The following GABRG2 variants were observed in gnomAD, a reference collection of about 807,000 sequenced individuals.
GABRG2 encodes the protein gamma-aminobutyric acid type A receptor subunit gamma2.
In GABRG2, 16 loss-of-function variants were observed where a neutral mutation model predicts 56.4. The ratio of observed to expected loss-of-function variants is 0.28; its 90% CI spans 0.19 to 0.43. The LOEUF (loss-of-function observed/expected upper bound fraction) is 0.43, where lower values mean the gene tolerates loss of function less well. Ranked by LOEUF, GABRG2 falls within the 20% of genes least tolerant of loss-of-function variation. GABRG2 has a pLI of 1.00. For missense variants in GABRG2, 327 were observed against 582.7 expected, an observed-to-expected ratio of 0.56 and a Z score of 4.52; for synonymous variants, 208 against 205.5, an observed-to-expected ratio of 1.01 and a Z score of -0.10.
chr5:162,085,268 G>A (rs763406733), intron 1 of GABRG2, among the ~76,000 whole-genome samples: 8 of 152,054 alleles, frequency 5.3e-5, no homozygotes, highest in Middle Eastern at 3.4e-3. Context: ...TAAGTGGAAC[G>A]AGGTCATCAT....
rs149927019 is a variant in GABRG2 at position 162,149,647 on chromosome 5, T to C, written c.1128+334T>C. On this transcript the variant is annotated intron_variant, in intron 8 of 9. Coordinates refer to ENST00000639213, the MANE Select transcript of GABRG2 (RefSeq NM_198904.4). ...CTGATTTTTTGAGATGGAGTGTCACTCTGTTGCTCAGGCTGGAGTGCAGTG... is the reference window on the plus strand; with the variant it reads ...CTGATTTTTTGAGATGGAGTGTCACCCTGTTGCTCAGGCTGGAGTGCAGTG... The C allele has an allele frequency of 2.4e-3, 1,549 of 646,078 alleles. 11 individuals carry two copies. Among genetic ancestry groups the C allele is most frequent in the Middle Eastern group, 5.7e-3 (22 of 3,868 alleles). The allele number at this position is 646,078 out of a possible 1,614,324, so 40.0% of individuals were successfully genotyped here.
intron 1 of GABRG2, among the ~76,000 whole-genome samples, chr5:162,072,997 G>A (rs1233247891): frequency 6.6e-6 from 1 of 151,782 alleles, no homozygotes; most frequent in Non-Finnish European, 1.5e-5. Context: ...CATCAATAGT[G>A]TTCCTAGAAG....
intron 6 of GABRG2, among the ~76,000 whole-genome samples, chr5:162,123,036 A>G (rs568186893): frequency 6.6e-6 from 1 of 151,808 alleles, no homozygotes; most frequent in Admixed American, 6.6e-5. Flanking sequence ...CAGTCAAGAA[A>G]GTACCAATAT....
intron 4 of GABRG2, chr5:162,100,371 G>GTACAATGTAAGAGATATA (rs1343823823): frequency 6.6e-6 from 1 of 151,938 alleles, no homozygotes; most frequent in East Asian, 1.9e-4. Flanking sequence ...AATAATATCT[G>GTACAATGTAAGAGATATA]TACAATGTAA....
intron 7 of GABRG2, among the ~76,000 whole-genome samples, chr5:162,145,795 G>A (rs528846725): frequency 9.6e-4 from 146 of 152,290 alleles, no homozygotes; most frequent in African/African-American, 3.3e-3. Context: ...CGAGGGTCAA[G>A]TATAGCCTCA....
intron 6 of GABRG2, among the ~76,000 whole-genome samples, chr5:162,119,918 A>C (rs555062449): frequency 7.2e-5 from 11 of 152,266 alleles, no homozygotes; most frequent in Admixed American, 1.3e-4. Context: ...TGACGGTTTC[A>C]GGGGCTTACT....
intron 4 of GABRG2, 135 bp downstream of exon 4, chr5:162,097,993 A>G: frequency 1.4e-6 from 1 of 738,146 alleles, no homozygotes; most frequent in Non-Finnish European, 2.3e-6. Context: ...CATGCTATCA[A>G]TTAGTATATG....
intron 1 of GABRG2, among the ~76,000 whole-genome samples, chr5:162,091,077 C>T (rs1760539765): frequency 6.6e-6 from 1 of 152,044 alleles, no homozygotes; most frequent in Non-Finnish European, 1.5e-5. Flanking sequence ...ATTTAGACCT[C>T]AGCTAGAAAA....
chr5:162,139,184 C>G (rs991746942), intron 6 of GABRG2, among the ~76,000 whole-genome samples: 4 of 152,170 alleles, frequency 2.6e-5, no homozygotes, highest in Non-Finnish European at 5.9e-5. Flanking sequence ...TAAACTCATA[C>G]ATAAAATACT....
rs575266662 is a variant in GABRG2 at position 162,068,752 on chromosome 5, T to C, written c.107+646T>C. Among the ~76,000 whole-genome samples, 13 of 152,176 alleles carry C rather than the reference T, an allele frequency of 8.5e-5. 1 individual carries two copies. The South Asian group carries it at 1.5e-3, about 17-fold the overall frequency. On this transcript the variant is annotated intron_variant, in intron 1 of 9. Transcript: ENST00000639213. The stretch of plus-strand genomic sequence containing the variant: ...TCTAACCTGATAGAACGTCTCTAAA[T>C]ATACTCAGGGCATCCACAGAGTCAG...
intron 2 of GABRG2, chr5:162,094,458 A>G (rs1274817378): frequency 5.8e-6 from 1 of 171,730 alleles, no homozygotes; most frequent in African/African-American, 2.4e-5. Context: ...ATTTAGGGCA[A>G]CTGTACTTTA....
chr5:162,129,567 ATTTAATCCAT>A (rs1763576158), intron 6 of GABRG2, among the ~76,000 whole-genome samples: 1 of 151,948 alleles, frequency 6.6e-6, no homozygotes, highest in African/African-American at 2.4e-5. Context: ...GGAATCATTT[ATTTAATCCAT>A]TCAACAAATC....
chr5:162,125,360 T>C (rs931069241), intron 6 of GABRG2, among the ~76,000 whole-genome samples: 3 of 151,766 alleles, frequency 2.0e-5, no homozygotes, highest in African/African-American at 7.2e-5. Flanking sequence ...GATTTTAATA[T>C]ACGTTTTAAA....
At chr5:162,084,068 T>G (rs893094982) in intron 1 of GABRG2, among the ~76,000 whole-genome samples, 3 of 151,948 alleles carry the variant, frequency 2.0e-5, no homozygotes, top group African/African-American at 2.4e-5. Flanking sequence ...CTCCCAGATA[T>G]GCCAAGCTTG....
intron 6 of GABRG2, among the ~76,000 whole-genome samples, chr5:162,134,347 C>T (rs1016282280): frequency 2.0e-5 from 3 of 152,090 alleles, no homozygotes; most frequent in Non-Finnish European, 2.9e-5. Context: ...GTAAGTTTCT[C>T]CTATGTTTAT....
chr5:162,127,657 T>C (rs567187178), intron 6 of GABRG2, among the ~76,000 whole-genome samples: 1 of 152,104 alleles, frequency 6.6e-6, no homozygotes, highest in South Asian at 2.1e-4. Context: ...ATTAAATATG[T>C]TGTCTCCTGA....
chr5:162,132,210 G>A (rs752429411), intron 6 of GABRG2, among the ~76,000 whole-genome samples: 3 of 148,210 alleles, frequency 2.0e-5, no homozygotes, highest in Non-Finnish European at 3.0e-5. Flanking sequence ...TTTGGGACAC[G>A]AACTTGGTTC....
chr5:162,097,324 A>C (rs1314648226), intron 3 of GABRG2, among the ~76,000 whole-genome samples: 1 of 152,162 alleles, frequency 6.6e-6, no homozygotes, highest in Non-Finnish European at 1.5e-5. Context: ...CCCTCATGGC[A>C]AGAAACTAGC....
intron 6 of GABRG2, among the ~76,000 whole-genome samples, chr5:162,123,474 A>G (rs1763111746): frequency 2.0e-5 from 3 of 151,906 alleles, no homozygotes. Context: ...ATTAACCAAT[A>G]AAAAATAATT....
Sources: allele counts gnomAD v4.1 joint callset (sites outside exome capture counted in the v4.1 genomes callset), GRCh38; gene constraint gnomAD v4.1.1; transcripts MANE v1.5; gene names NCBI Gene and HGNC (gene_info 2026-07-23, HGNC 2026-07-21).